The following FHL1 variants were observed in gnomAD, a reference collection of about 807,000 sequenced individuals.
FHL1 encodes the protein four and a half LIM domains protein 1.
FHL1 carries 1 observed loss-of-function variant against 20.3 expected under a neutral mutation model. That is an observed-to-expected ratio of 0.05 (90% CI 0.02 to 0.23). The LOEUF is 0.23. FHL1 is among the 10% of genes least tolerant of loss of function. The pLI, the probability that FHL1 is intolerant of heterozygous loss-of-function variation, is 1.00. For missense variants in FHL1, 177 were observed against 234.0 expected (o/e 0.76, Z 1.59); for synonymous variants, 82 against 88.9 (o/e 0.92, Z 0.44).
intron 2 of FHL1, among the ~76,000 whole-genome samples, chrX:136,190,363 C>T (rs747323339): frequency 2.7e-4 from 30 of 112,111 alleles, no homozygotes; most frequent in Non-Finnish European, 4.3e-4. Flanking sequence ...CCTCTGCTTC[C>T]GCATCCAACC....
chrX:136,191,166 C>T (rs1002048543), intron 2 of FHL1, among the ~76,000 whole-genome samples: 1 of 111,814 alleles, frequency 8.9e-6, no homozygotes, highest in African/African-American at 3.3e-5. Context: ...CCTGGCACAA[C>T]AGAAGAGCTC....
At chrX:136,154,416 C>T (rs1159765717) in intron 1 of FHL1, among the ~76,000 whole-genome samples, 1 of 112,370 alleles carries the variant, frequency 8.9e-6, no homozygotes, top group Non-Finnish European at 1.9e-5. Flanking sequence ...TTTTCTCTAG[C>T]CTATGAGGCA....
chrX:136,203,306 C>T (rs1051614829), intron 1 of FHL1, among the ~76,000 whole-genome samples: 4 of 111,570 alleles, frequency 3.6e-5, no homozygotes, highest in Non-Finnish European at 7.5e-5. Context: ...AAATGATTCT[C>T]CATCTGGATA....
chrX:136,156,283 C>CTT (rs761582275), intron 1 of FHL1, among the ~76,000 whole-genome samples: 5 of 97,617 alleles, frequency 5.1e-5, no homozygotes, highest in Admixed American at 1.1e-4. Flanking sequence ...GTTCTATAGC[C>CTT]TTTTTTTTTT....
chrX:136,165,278 AT>A (rs1179784823), upstream of FHL1, among the ~76,000 whole-genome samples: 1 of 112,082 alleles, frequency 8.9e-6, no homozygotes, highest in Non-Finnish European at 1.9e-5. Flanking sequence ...TGTACTGCTT[AT>A]TTCCAATAAA....
At position 136,208,041 on chromosome X, in the gene FHL1, A is replaced by G; in HGVS notation, c.549+80A>G. ...TTTGCAGAGCACTTCCACACACACT[A>G]TCCCATTCCATCCTCACGACAGCCC... On this transcript the variant is annotated intron_variant, in intron 4 of 5. Transcript: ENST00000370683. 6.8e-6 allele frequency: 7 copies of G among 1,027,091 alleles called. No homozygotes were observed. In the East Asian group the frequency reaches 2.1e-4, roughly 31 times the overall value. The allele number at this position is 1,027,091 out of a possible 1,213,427, so 84.6% of individuals were successfully genotyped here. A position where few individuals can be genotyped will look rare whatever the true frequency, so the allele number is the denominator to read the frequency against.
At chrX:136,172,661 C>T (rs1420647197) in intron 2 of FHL1, among the ~76,000 whole-genome samples, 1 of 113,024 alleles carries the variant, frequency 8.8e-6, no homozygotes, top group African/African-American at 3.2e-5. Context: ...ATTTTTAAAA[C>T]GTTTGTTTGG....
At chrX:136,201,298 G>A (rs775111590) in intron 1 of FHL1, among the ~76,000 whole-genome samples, 1 of 112,322 alleles carries the variant, frequency 8.9e-6, no homozygotes, top group Non-Finnish European at 1.9e-5. Context: ...GGCATGATTC[G>A]GGTGTTATAT....
chrX:136,189,733 A>G (rs2073390082), intron 2 of FHL1, among the ~76,000 whole-genome samples: 1 of 111,738 alleles, frequency 8.9e-6, no homozygotes, highest in Non-Finnish European at 1.9e-5. Context: ...AAACTTGCCA[A>G]TGTCATACAA....
intron 2 of FHL1, among the ~76,000 whole-genome samples, chrX:136,176,419 C>T (rs745874674): frequency 8.9e-6 from 1 of 112,475 alleles, no homozygotes; most frequent in South Asian, 3.6e-4. Context: ...AGGTCAGTTA[C>T]TTCATGTCTG....
rs1162859333 is a variant in FHL1 at position 136,210,866 on chromosome X, T to TG, written c.*842dup. 2.6e-6 allele frequency: 1 copy of TG among 383,942 alleles called. No homozygotes were observed. The highest frequency in any genetic ancestry group is 5.5e-5 in the East Asian group (1 of 18,277). 31.6% of individuals were successfully genotyped at this position (383,942 alleles called of 1,213,427 possible). ...AAAATAGTTTATGGGTTTGGAAACT[T>TG]GCATGAAAATATTTTAGCCCCCTCA... On this transcript the variant is annotated 3_prime_UTR_variant, in exon 6 of 6. Coordinates refer to ENST00000370683, the MANE Select transcript of FHL1 (RefSeq NM_001159699.2).
At chrX:136,154,050 C>T (rs1331734970) in intron 1 of FHL1, among the ~76,000 whole-genome samples, 1 of 111,854 alleles carries the variant, frequency 8.9e-6, no homozygotes, top group Non-Finnish European at 1.9e-5. Context: ...AGTACCCACC[C>T]CCCATTATTT....
At chrX:136,205,078 A>C (rs1290039665) in intron 1 of FHL1, 1 of 112,680 alleles carries the variant, frequency 8.9e-6, no homozygotes, top group African/African-American at 3.2e-5. Flanking sequence ...GCACAAATGA[A>C]ATAATTGCTA....
intron 1 of FHL1, among the ~76,000 whole-genome samples, chrX:136,158,294 A>T (rs748163551): frequency 1.8e-5 from 2 of 112,227 alleles, no homozygotes; most frequent in South Asian, 7.4e-4. Flanking sequence ...ACTAATAATT[A>T]TTGAGCAATT....
upstream of FHL1, among the ~76,000 whole-genome samples, chrX:136,194,085 G>T (rs1194650422): frequency 9.0e-6 from 1 of 110,820 alleles, no homozygotes; most frequent in Non-Finnish European, 1.9e-5. Flanking sequence ...ATTCTTCAGG[G>T]ACCAGGTCAA....
intron 2 of FHL1, among the ~76,000 whole-genome samples, chrX:136,179,385 T>C (rs2073096667): frequency 8.9e-6 from 1 of 112,092 alleles, no homozygotes; most frequent in Non-Finnish European, 1.9e-5. Flanking sequence ...CCGTTTGAAC[T>C]GTCAGTTCTC....
Position 136,208,526 on chromosome X carries a change from C to T in FHL1, c.621C>T (p.Cys207=). The T allele has an allele frequency of 8.3e-7, 1 of 1,211,305 alleles. No homozygotes were observed. The highest frequency in any genetic ancestry group is 1.1e-6 in the Non-Finnish European group (1 of 895,278). ...CCGATTGCTTTGTGTGTGTTACCTG[C>T]TCTAAGAAGCTGGCTGGGCAGCGTT... is the stretch of plus-strand genomic sequence containing the variant. ...WHADCFVCVT[C]SKKLAGQRFT... is the part of the protein sequence containing the mutation. The change falls in exon 5 of 6, where the codon TGC becomes TGT. Residue 207 remains cysteine, a synonymous_variant. Coordinates refer to ENST00000370683, the MANE Select transcript of FHL1 (RefSeq NM_001159699.2).
chrX:136,168,694 C>CT (rs1355880978), upstream of FHL1, among the ~76,000 whole-genome samples: 2 of 111,662 alleles, frequency 1.8e-5, no homozygotes, highest in East Asian at 5.6e-4. Flanking sequence ...TATCTTCAGC[C>CT]TTTTCTTCCT....
intron 2 of FHL1, among the ~76,000 whole-genome samples, chrX:136,190,584 G>C (rs2073410212): frequency 8.9e-6 from 1 of 111,864 alleles, no homozygotes; most frequent in South Asian, 3.8e-4. Flanking sequence ...GACTCTTGCT[G>C]CTGCATGAGA....
Sources: allele counts gnomAD v4.1 joint callset (sites outside exome capture counted in the v4.1 genomes callset), GRCh38; gene constraint gnomAD v4.1.1; transcripts MANE v1.5; gene names NCBI Gene and HGNC (gene_info 2026-07-23, HGNC 2026-07-21).